BTG3: variants seen among roughly 807,000 people sequenced by gnomAD.
BTG3 encodes protein BTG3.
Under a neutral mutation model 25.8 loss-of-function variants are expected in BTG3, and 4 were observed. That is an observed-to-expected ratio of 0.16 (90% CI 0.08 to 0.36). The LOEUF is 0.36. BTG3 is among the 10% of genes least tolerant of loss of function. BTG3 has a pLI of 1.00. For missense variants in BTG3, 201 were observed against 304.9 expected, an observed-to-expected ratio of 0.66 and a Z score of 2.54; for synonymous variants, 107 against 99.9, an observed-to-expected ratio of 1.07 and a Z score of -0.42.
Position 17,605,013 on chromosome 21 carries a change from G to GTTAC in BTG3, c.174-20_174-17dup. 1 of 1,611,362 alleles carries GTTAC rather than the reference G, an allele frequency of 6.2e-7. No individual in the cohort carries two copies. ...ACGAATACATCTACAACAAAGTGGA[G>GTTAC]TTACGTTAATGGATTTAAATGAATT... On this transcript the variant is annotated splice_polypyrimidine_tract_variant and intron_variant, in intron 2 of 4. Transcript: ENST00000348354.
chr21:17,596,114 A>C (rs1200092681), intron 4 of BTG3, among the ~76,000 whole-genome samples: 2 of 151,958 alleles, frequency 1.3e-5, no homozygotes, highest in Non-Finnish European at 2.9e-5. Flanking sequence ...GGATATGCCC[A>C]TTATTTTTCA....
chr21:17,594,035 G>C lies in BTG3; in HGVS notation c.*58C>G. On this transcript the variant is annotated 3_prime_UTR_variant, in exon 5 of 5. Coordinates refer to ENST00000348354, the MANE Select transcript of BTG3 (RefSeq NM_006806.5). ...AGTAAGAACTTTTAACTTTTAATGTGTAGTAAGGTTTATTCTACCTTTTTC... is the reference window on the plus strand; with the variant it reads ...AGTAAGAACTTTTAACTTTTAATGTCTAGTAAGGTTTATTCTACCTTTTTC... The C allele has an allele frequency of 6.4e-7, 1 of 1,571,934 alleles. No homozygotes were observed. The highest frequency in any genetic ancestry group is 1.2e-5 in the South Asian group (1 of 82,644).
At chr21:17,604,424 A>C (rs901011990) in intron 3 of BTG3, 1 of 182,860 alleles carries the variant, frequency 5.5e-6, no homozygotes, top group African/African-American at 2.4e-5. Context: ...CAGCCTGGGC[A>C]ACAAGAGTGA....
intron 4 of BTG3, 57 bp from the exon 5 acceptor site, chr21:17,594,389 C>A: frequency 2.0e-6 from 3 of 1,533,174 alleles, no homozygotes; most frequent in South Asian, 2.5e-5. Context: ...CATCTATGTT[C>A]CAGATTTCTC....
chr21:17,596,996 G>T (rs1366102961), intron 4 of BTG3, among the ~76,000 whole-genome samples: 1 of 151,998 alleles, frequency 6.6e-6, no homozygotes, highest in East Asian at 1.9e-4. Context: ...CCAGATTCAA[G>T]ATACTAGAAA....
At chr21:17,612,079 T>G (rs1046747833) in intron 1 of BTG3, 4 of 152,278 alleles carry the variant, frequency 2.6e-5, no homozygotes, top group Admixed American at 2.6e-4. Flanking sequence ...CGCTGGGGTT[T>G]TGAGAGAGGT....
intron 2 of BTG3, among the ~76,000 whole-genome samples, chr21:17,605,374 T>C (rs2061625949): frequency 6.6e-6 from 1 of 152,204 alleles, no homozygotes; most frequent in Admixed American, 6.5e-5. Flanking sequence ...ACAAAAGGCC[T>C]CATCTAATGT....
Position 17,593,888 on chromosome 21 carries a change from TTAATAA to T in BTG3, c.*199_*204del, listed in dbSNP as rs1405471603. 7.8e-6 allele frequency: 5 copies of T among 641,518 alleles called. No homozygotes were observed. In the African/African-American group the frequency reaches 9.4e-5, roughly 12 times the overall value. The allele number at this position is 641,518 out of a possible 1,614,324, so 39.7% of individuals were successfully genotyped here. On this transcript the variant is annotated 3_prime_UTR_variant, in exon 5 of 5. Coordinates refer to ENST00000348354, the MANE Select transcript of BTG3 (RefSeq NM_006806.5). ...TAAAAACTTAGGCACTTGACTAACT[TTAATAA>T]AATTTCTCAAACTATATCAATATCT...
chr21:17,605,696 TACG>T (rs1569185580), intron 2 of BTG3, among the ~76,000 whole-genome samples: 1 of 152,228 alleles, frequency 6.6e-6, no homozygotes, highest in African/African-American at 2.4e-5. Context: ...TAACCTATTA[TACG>T]ACATCTACCT....
intron 4 of BTG3, among the ~76,000 whole-genome samples, chr21:17,595,534 CCTG>C (rs1386286357): frequency 3.3e-5 from 5 of 151,814 alleles, no homozygotes; most frequent in African/African-American, 7.3e-5. Flanking sequence ...TGGATTGTAT[CCTG>C]CTTTTTACAT....
intron 3 of BTG3, among the ~76,000 whole-genome samples, chr21:17,602,027 C>T (rs1260165384): frequency 2.0e-5 from 3 of 152,008 alleles, no homozygotes; most frequent in Non-Finnish European, 4.4e-5. Context: ...AATTAGTAGA[C>T]ACCTGGACAA....
chr21:17,594,948 CAT>C (rs1491161638), intron 4 of BTG3, among the ~76,000 whole-genome samples: 9 of 151,608 alleles, frequency 5.9e-5, no homozygotes, highest in East Asian at 5.8e-4. Flanking sequence ...CCCTGTGACA[CAT>C]GTTTACCTAT....
intron 3 of BTG3, among the ~76,000 whole-genome samples, chr21:17,600,293 G>A (rs1209206871): frequency 1.4e-4 from 22 of 152,068 alleles, no homozygotes; most frequent in Admixed American, 1.4e-3. Context: ...TCAGGACAAA[G>A]GATATTGTTA....
intron 4 of BTG3, among the ~76,000 whole-genome samples, chr21:17,594,981 T>A (rs1049587601): frequency 6.6e-6 from 1 of 150,476 alleles, no homozygotes; most frequent in Non-Finnish European, 1.5e-5. Context: ...TTCATGTGTA[T>A]CCCTAAACCT....
rs188767125 is a variant in BTG3, at chr21:17,600,648, C to T, written c.312-1824G>A. ...CCAGTCTGGGTAACATGGTGAGACCCTGTCTCTCAAAAAAACAAAAAAACA... is the reference window on the plus strand; with the variant it reads ...CCAGTCTGGGTAACATGGTGAGACCTTGTCTCTCAAAAAAACAAAAAAACA... On this transcript the variant is annotated intron_variant, in intron 3 of 4. Coordinates refer to ENST00000348354, the MANE Select transcript of BTG3 (RefSeq NM_006806.5). Among the ~76,000 whole-genome samples the T allele has an allele frequency of 4.6e-5, 7 of 151,860 alleles. 1 individual carries two copies. The highest frequency in any genetic ancestry group is 3.3e-4 in the Admixed American group (5 of 15,262).
chr21:17,604,445 C>CA (rs997982877), intron 3 of BTG3, among the ~76,000 whole-genome samples: 16 of 148,570 alleles, frequency 1.1e-4, no homozygotes, highest in Non-Finnish European at 1.8e-4. Context: ...AACTCCGTCC[C>CA]AAAAAAAAAG....
intron 4 of BTG3, among the ~76,000 whole-genome samples, chr21:17,596,447 T>C (rs1056178408): frequency 6.6e-6 from 1 of 152,072 alleles, no homozygotes; most frequent in African/African-American, 2.4e-5. Flanking sequence ...ACAATCCATC[T>C]CAAATCAATA....
intron 4 of BTG3, among the ~76,000 whole-genome samples, chr21:17,596,791 A>G (rs960239028): frequency 3.9e-5 from 6 of 152,098 alleles, no homozygotes; most frequent in African/African-American, 1.2e-4. Context: ...TAAGATGTTC[A>G]TTGATACTGA....
chr21:17,603,331 T>C (rs1024644691), intron 3 of BTG3, among the ~76,000 whole-genome samples: 1 of 152,182 alleles, frequency 6.6e-6, no homozygotes, highest in African/African-American at 2.4e-5. Context: ...TTGAGATAGC[T>C]TGCTCCTTTT....
Sources: gnomAD v4.1 joint callset for allele counts (sites outside exome capture counted in the v4.1 genomes callset) on GRCh38, gnomAD v4.1.1 for gene constraint, MANE v1.5 for transcripts, NCBI Gene and HGNC (gene_info 2026-07-23, HGNC 2026-07-21) for gene names.